FERMT3: variants seen among roughly 807,000 people sequenced by gnomAD.
FERMT3 encodes fermitin family homolog 3.
FERMT3 carries 33 observed loss-of-function variants against 80.8 expected under a neutral mutation model. That is an observed-to-expected ratio of 0.41 (90% CI 0.31 to 0.55). The LOEUF is 0.55. Among genes scored for constraint, FERMT3 ranks in the 20% least tolerant of loss-of-function variants. FERMT3 has a pLI of 0.31. For missense variants in FERMT3, 754 were observed against 908.7 expected, an observed-to-expected ratio of 0.83 and a Z score of 2.19; for synonymous variants, 375 against 372.2, an observed-to-expected ratio of 1.01 and a Z score of -0.09.
At chr11:64,208,151 T>TG (rs1238651041) in intron 2 of FERMT3, among the ~76,000 whole-genome samples, 1 of 58,098 alleles carries the variant, frequency 1.7e-5, no homozygotes, top group African/African-American at 6.6e-5. Flanking sequence ...TGCCAGTGGG[T>TG]GGGGGGTGGG....
At chr11:64,217,906 A>AG (rs1946584518) in intron 6 of FERMT3, among the ~76,000 whole-genome samples, 1 of 152,086 alleles carries the variant, frequency 6.6e-6, no homozygotes, top group African/African-American at 2.4e-5. Context: ...TTTACCAGAC[A>AG]GGAGAGGGAC....
In FERMT3 at chr11:64,219,377, G is replaced by A; in HGVS notation, c.894+19G>A. The A allele has an allele frequency of 6.3e-7, 1 of 1,578,594 alleles. No individual in the cohort carries two copies. Among genetic ancestry groups the A allele is most frequent in the Non-Finnish European group, 8.6e-7 (1 of 1,162,844 alleles). ...CCTGCAGGTACCAGGCGGGCCTGGG[G>A]GCACCAGGGCAGGTGGGAGGTGAGC... On this transcript the variant is annotated intron_variant, in intron 7 of 14. Transcript: ENST00000345728. The surrounding 1 kb of genome is among the most constrained non-coding windows in gnomAD (Gnocchi z 4.0).
chr11:64,222,295 G>A (rs968634285), intron 13 of FERMT3, among the ~76,000 whole-genome samples: 3 of 150,254 alleles, frequency 2.0e-5, no homozygotes, highest in Admixed American at 6.7e-5. Flanking sequence ...GAGCCTGCGC[G>A]ATGGCTCATG....
Position 64,211,771 on chromosome 11 carries a change from G to A in FERMT3, c.786+24G>A, listed in dbSNP as rs374547305. ...AGGTGGGTCGGGGCAGGGAGAAAGC[G>A]GGCCTCAGGTCCATGAGATGTGGAG... is the stretch of plus-strand genomic sequence containing the variant. On this transcript the variant is annotated intron_variant, in intron 6 of 14. Coordinates refer to ENST00000345728, the MANE Select transcript of FERMT3 (RefSeq NM_031471.6). The surrounding 1 kb of genome is among the most constrained non-coding windows in gnomAD (Gnocchi z 4.7). The A allele has an allele frequency of 1.4e-5, 23 of 1,610,674 alleles. No homozygotes were observed. Among genetic ancestry groups the A allele is most frequent in the African/African-American group, 5.3e-5 (4 of 74,860 alleles).
At chr11:64,207,274 C>T in intron 1 of FERMT3, 77 bp from the exon 2 acceptor site, 1 of 1,559,398 alleles carries the variant, frequency 6.4e-7, no homozygotes. Context: ...GTGTCCAGGG[C>T]ATCACAGAGC....
rs566425643 is a variant in FERMT3 at position 64,218,405 on chromosome 11, G to A, written c.787-846G>A. On this transcript the variant is annotated intron_variant, in intron 6 of 14. Coordinates refer to ENST00000345728, the MANE Select transcript of FERMT3 (RefSeq NM_031471.6). Reference sequence around the variant, plus strand: ...TGCACCCTCAACCTCATGGGTTCAGGTGATTCTCCCACCTCAGCATCCTGA... The same window carrying A: ...TGCACCCTCAACCTCATGGGTTCAGATGATTCTCCCACCTCAGCATCCTGA... Among the ~76,000 whole-genome samples, 4 of 152,272 alleles carry A rather than the reference G, an allele frequency of 2.6e-5. No individual in the cohort carries two copies. The East Asian group carries it at 7.7e-4, about 29-fold the overall frequency.
chr11:64,214,010 G>C (rs868818476), intron 6 of FERMT3, among the ~76,000 whole-genome samples: 26 of 152,062 alleles, frequency 1.7e-4, no homozygotes, highest in African/African-American at 5.8e-4. Flanking sequence ...ACATTTCCTT[G>C]CCTCTTTCTA....
chr11:64,209,692 G>A (rs899924316), intron 2 of FERMT3, among the ~76,000 whole-genome samples: 2 of 152,172 alleles, frequency 1.3e-5, no homozygotes, highest in Non-Finnish European at 2.9e-5. Flanking sequence ...GGTGATGCCC[G>A]GCATGTGCAG....
chr11:64,211,346 C>T lies in FERMT3; in HGVS notation c.586C>T (p.His196Tyr), dbSNP rs1281574511. ...CAGCGCCCAGACTGAGGCCTGCTAC[C>T]ACATGCTGAGCCGGCCCCAGCCGCC... ...SDSAQTEACY[H>Y]MLSRPQPPPD... The change falls in exon 5 of 15, where the codon CAC becomes TAC. Residue 196 changes from histidine (H) to tyrosine (Y), a missense_variant. Transcript: ENST00000345728. This position sits in a 1 kb window ranked among gnomAD's most constrained non-coding sequence, Gnocchi z 4.7. 2 of 1,612,626 alleles carry T rather than the reference C, an allele frequency of 1.2e-6. No individual in the cohort carries two copies. The highest frequency in any genetic ancestry group is 2.7e-5 in the African/African-American group (2 of 74,872).
At position 64,211,113 on chromosome 11, in the gene FERMT3, G is replaced by A. The variant is rs539078178; in HGVS notation, c.456G>A (p.Lys152=). 1 of 1,548,548 alleles carries A rather than the reference G, an allele frequency of 6.5e-7. No homozygotes were observed. Among genetic ancestry groups the A allele is most frequent in the Non-Finnish European group, 8.7e-7 (1 of 1,146,496 alleles). The change falls in exon 4 of 15, where the codon AAG becomes AAA. Residue 152 remains lysine, a synonymous_variant. Transcript: ENST00000345728. The surrounding 1 kb of genome is among the most constrained non-coding windows in gnomAD (Gnocchi z 4.7). ...LRAPEKKEKK[K]KEKEPEEELY... ...CTCCTGAGAAGAAGGAGAAGAAGAA[G>A]AAAGAGAAGGAGCCAGAGGAAGAGC...
rs188525254 is a variant in FERMT3, at chr11:64,215,488, T to A, written c.786+3741T>A. Among the ~76,000 whole-genome samples, 3 of 152,114 alleles carry A rather than the reference T, an allele frequency of 2.0e-5. No homozygotes were observed. In the East Asian group the frequency reaches 5.8e-4, roughly 30 times the overall value. The stretch of plus-strand genomic sequence containing the variant: ...ACATTGTGAATATATTTTCCCCCTC[T>A]GTGCTTTGCCTTTTAATTGTCTGAA... On this transcript the variant is annotated intron_variant, in intron 6 of 14. Transcript: ENST00000345728.
At chr11:64,215,196 G>C (rs1177809180) in intron 6 of FERMT3, among the ~76,000 whole-genome samples, 1 of 152,182 alleles carries the variant, frequency 6.6e-6, no homozygotes, top group Non-Finnish European at 1.5e-5. Context: ...GACAAGCACT[G>C]ATTGCACGAT....
chr11:64,208,965 C>T (rs1385844144), intron 2 of FERMT3, among the ~76,000 whole-genome samples: 3 of 152,172 alleles, frequency 2.0e-5, no homozygotes, highest in South Asian at 4.1e-4. Context: ...CGGCAGGCCC[C>T]TGAGGAGGCT....
chr11:64,219,799 G>C lies in FERMT3; in HGVS notation c.1079+10G>C. On this transcript the variant is annotated intron_variant, in intron 9 of 14. Coordinates refer to ENST00000345728, the MANE Select transcript of FERMT3 (RefSeq NM_031471.6). This position sits in a 1 kb window ranked among gnomAD's most constrained non-coding sequence, Gnocchi z 4.0. ...ATCTCCGAATCTTTCGGTGAGTTGGGGGCCAGAGTAGGCAGCCCTGCTGGA... is the reference window on the plus strand; with the variant it reads ...ATCTCCGAATCTTTCGGTGAGTTGGCGGCCAGAGTAGGCAGCCCTGCTGGA... 2 of 1,614,078 alleles carry C rather than the reference G, an allele frequency of 1.2e-6. No homozygotes were observed. The highest frequency in any genetic ancestry group is 1.1e-5 in the South Asian group (1 of 91,080).
At position 64,221,037 on chromosome 11, in the gene FERMT3, G is replaced by A; in HGVS notation, c.1567G>A (p.Ala523Thr). The stretch of plus-strand genomic sequence containing the variant: ...GCAGCTCACCCCACGGATCCTGGAA[G>A]CCCACCAGAATGTGGCCCAGTTGTC... ...AKQLTPRILE[A>T]HQNVAQLSLA... The change falls in exon 13 of 15, where the codon GCC (alanine) becomes ACC (threonine). Residue 523 changes from alanine (A) to threonine (T), a missense_variant. Coordinates refer to ENST00000345728, the MANE Select transcript of FERMT3 (RefSeq NM_031471.6). 1 of 1,612,778 alleles carries A rather than the reference G, an allele frequency of 6.2e-7. No homozygotes were observed. Among genetic ancestry groups the A allele is most frequent in the Non-Finnish European group, 8.5e-7 (1 of 1,179,996 alleles).
chr11:64,218,978 C>T (rs549050181), intron 6 of FERMT3, among the ~76,000 whole-genome samples: 35 of 152,352 alleles, frequency 2.3e-4, no homozygotes, highest in Non-Finnish European at 4.3e-4. Context: ...TTGGTTTACT[C>T]GGTCTCTCCT....
rs1694860317 is a variant in FERMT3, at chr11:64,211,842, T to A, written c.786+95T>A. On this transcript the variant is annotated intron_variant, in intron 6 of 14. Coordinates refer to ENST00000345728, the MANE Select transcript of FERMT3 (RefSeq NM_031471.6). The surrounding 1 kb of genome is among the most constrained non-coding windows in gnomAD (Gnocchi z 4.7). ...GCTCTGGGATGTTAGTGACTTGTAG[T>A]GGCCTGTCCGTCTGCCCGTTTGTCC... 3.3e-6 allele frequency: 4 copies of A among 1,217,794 alleles called. No homozygotes were observed. Among genetic ancestry groups the A allele is most frequent in the Non-Finnish European group, 2.4e-6 (2 of 829,554 alleles). The allele number at this position is 1,217,794 out of a possible 1,614,324, so 75.4% of individuals were successfully genotyped here. A position where few individuals can be genotyped will look rare whatever the true frequency, so the allele number is the denominator to read the frequency against.
chr11:64,213,390 C>T (rs1240040845), intron 6 of FERMT3, among the ~76,000 whole-genome samples: 19 of 150,284 alleles, frequency 1.3e-4, no homozygotes, highest in African/African-American at 4.4e-4. Context: ...ATCCACCCGC[C>T]TCAGCCTCCC....
rs1315363437 is a variant in FERMT3 at position 64,211,336 on chromosome 11, G to A, written c.576G>A (p.Glu192=). The change falls in exon 5 of 15, where the codon GAG becomes GAA. Residue 192 remains glutamate (E), a synonymous_variant. Coordinates refer to ENST00000345728, the MANE Select transcript of FERMT3 (RefSeq NM_031471.6). The surrounding 1 kb of genome is among the most constrained non-coding windows in gnomAD (Gnocchi z 4.7). The stretch of plus-strand genomic sequence containing the variant: ...ACTTCTCGGACAGCGCCCAGACTGA[G>A]GCCTGCTACCACATGCTGAGCCGGC... ...PAHFSDSAQT[E]ACYHMLSRPQ... 1.2e-6 allele frequency: 2 copies of A among 1,613,104 alleles called. No individual in the cohort carries two copies. Among genetic ancestry groups the A allele is most frequent in the Admixed American group, 1.7e-5 (1 of 59,972 alleles).
Sources: allele counts gnomAD v4.1 joint callset (sites outside exome capture counted in the v4.1 genomes callset), GRCh38; gene constraint gnomAD v4.1.1; non-coding constraint Gnocchi (gnomAD v3.1); transcripts MANE v1.5; gene names NCBI Gene and HGNC (gene_info 2026-07-23, HGNC 2026-07-21).